PHACTR1: variants seen among roughly 807,000 people sequenced by gnomAD.
The protein encoded by PHACTR1 is RPEL repeat containing 1.
In PHACTR1, 16 loss-of-function variants were observed where a neutral mutation model predicts 69.2. That is an observed-to-expected ratio of 0.23 (90% CI 0.16 to 0.35). The LOEUF (loss-of-function observed/expected upper bound fraction) is 0.35, where lower values mean the gene tolerates loss of function less well. Ranked by LOEUF, PHACTR1 falls within the 10% of genes least tolerant of loss-of-function variation. PHACTR1 has a pLI of 1.00. For missense variants in PHACTR1, 510 were observed against 734.7 expected, an observed-to-expected ratio of 0.69 and a Z score of 3.54; for synonymous variants, 312 against 284.5, an observed-to-expected ratio of 1.10 and a Z score of -0.97.
intron 8 of PHACTR1, 146 bp downstream of exon 8, chr6:13,206,282 C>A: frequency 1.1e-6 from 1 of 911,938 alleles, no homozygotes; most frequent in African/African-American, 1.7e-5. Context: ...AGACAAAAAA[C>A]TGAAGGTCAA....
At chr6:13,135,594 T>A (rs1821423735) in intron 5 of PHACTR1, among the ~76,000 whole-genome samples, 1 of 152,230 alleles carries the variant, frequency 6.6e-6, no homozygotes, top group Non-Finnish European at 1.5e-5. Context: ...TTAATCACTT[T>A]GTTAATTTTA....
chr6:13,272,652 G>A, intron 10 of PHACTR1: 1 of 1,449,944 alleles, frequency 6.9e-7, no homozygotes, highest in Non-Finnish European at 9.1e-7. Context: ...GCGGGGGTCA[G>A]CGGCTGTGAC....
chr6:13,167,758 G>GA (rs766099942), intron 6 of PHACTR1, among the ~76,000 whole-genome samples: 1 of 152,186 alleles, frequency 6.6e-6, no homozygotes, highest in East Asian at 1.9e-4. Flanking sequence ...TAATCAGGTT[G>GA]GAGCAACCTT....
intron 4 of PHACTR1, among the ~76,000 whole-genome samples, chr6:12,843,396 G>A (rs1778889802): frequency 6.6e-6 from 1 of 152,148 alleles, no homozygotes; most frequent in Non-Finnish European, 1.5e-5. Flanking sequence ...TGGTGTAGAA[G>A]CTTGAAGGCT....
At chr6:13,035,821 C>T (rs1181221804) in intron 4 of PHACTR1, among the ~76,000 whole-genome samples, 1 of 152,136 alleles carries the variant, frequency 6.6e-6, no homozygotes, top group Non-Finnish European at 1.5e-5. Context: ...GAGGAAAGGT[C>T]ACATTCAAGG....
At position 12,945,894 on chromosome 6, in the gene PHACTR1, G is replaced by A. The variant is rs186262866; in HGVS notation, c.251-107471G>A. Reference sequence around the variant, plus strand: ...CAGGAGAACTGCTTGAACCCAGGAGGTGGAGGTTGCAGTGGCCAAGATCGT... The same window carrying A: ...CAGGAGAACTGCTTGAACCCAGGAGATGGAGGTTGCAGTGGCCAAGATCGT... On this transcript the variant is annotated intron_variant, in intron 4 of 14. Coordinates refer to ENST00000332995, the MANE Select transcript of PHACTR1 (RefSeq NM_030948.6). 2.1e-3 allele frequency among the ~76,000 whole-genome samples: 318 copies of A among 152,030 alleles called. 1 individual carries two copies. Among genetic ancestry groups the A allele is most frequent in the African/African-American group, 7.3e-3 (302 of 41,434 alleles).
rs1203275107 is a variant in PHACTR1, at chr6:12,929,714, CTG to C, written c.251-123647_251-123646del. On this transcript the variant is annotated intron_variant, in intron 4 of 14. Transcript: ENST00000332995. The stretch of plus-strand genomic sequence containing the variant: ...ACAGCCAAAGCCTGGAACTTCTTCA[CTG>C]TGTTACCTTGGTTTAGAAAAATGCA... Among the ~76,000 whole-genome samples the C allele has an allele frequency of 8.5e-5, 13 of 152,312 alleles. 1 individual carries two copies. The highest frequency in any genetic ancestry group is 2.6e-4 in the Admixed American group (4 of 15,292).
In PHACTR1 at chr6:13,145,419, G is replaced by A. The variant is rs760320627; in HGVS notation, c.416-14785G>A. ...TTTTATGTTTAAGGCAATGTGCTTG[G>A]TCTTCATATGTGAAATCTCATTCAA... On this transcript the variant is annotated intron_variant, in intron 5 of 14. Coordinates refer to ENST00000332995, the MANE Select transcript of PHACTR1 (RefSeq NM_030948.6). 1.4e-4 allele frequency among the ~76,000 whole-genome samples: 22 copies of A among 152,102 alleles called. 1 individual carries two copies. The highest frequency in any genetic ancestry group is 7.4e-5 in the Non-Finnish European group (5 of 68,024).
chr6:12,761,797 A>G (rs984412073), intron 4 of PHACTR1, among the ~76,000 whole-genome samples: 3 of 152,238 alleles, frequency 2.0e-5, no homozygotes, highest in African/African-American at 7.2e-5. Flanking sequence ...ACAAAAACAC[A>G]ACCCAAGGTT....
intron 5 of PHACTR1, among the ~76,000 whole-genome samples, chr6:13,089,083 G>A (rs1382743173): frequency 1.3e-5 from 2 of 152,164 alleles, no homozygotes; most frequent in Non-Finnish European, 2.9e-5. Flanking sequence ...ATCAGACAGG[G>A]ACCTTCTACA....
At chr6:12,748,761 G>A (rs1293888362) in intron 3 of PHACTR1, among the ~76,000 whole-genome samples, 1 of 152,078 alleles carries the variant, frequency 6.6e-6, no homozygotes, top group Non-Finnish European at 1.5e-5. Flanking sequence ...AGAGGAATTC[G>A]GTTAAAATGA....
At chr6:13,034,795 G>A (rs1187688258) in intron 4 of PHACTR1, among the ~76,000 whole-genome samples, 1 of 152,166 alleles carries the variant, frequency 6.6e-6, no homozygotes, top group Non-Finnish European at 1.5e-5. Flanking sequence ...GTATCAAAGT[G>A]AACAATTGTA....
chr6:13,026,093 A>G (rs996074875), intron 4 of PHACTR1, among the ~76,000 whole-genome samples: 4 of 152,234 alleles, frequency 2.6e-5, no homozygotes, highest in African/African-American at 9.6e-5. Context: ...AATTAGCCAT[A>G]ATAAAATGGT....
chr6:12,905,373 T>G (rs1282658377), intron 4 of PHACTR1, among the ~76,000 whole-genome samples: 1 of 152,224 alleles, frequency 6.6e-6, no homozygotes, highest in African/African-American at 2.4e-5. Flanking sequence ...AATAAGACCT[T>G]CAGCGCTGGT....
intron 6 of PHACTR1, among the ~76,000 whole-genome samples, chr6:13,166,887 G>T (rs905172769): frequency 2.6e-5 from 4 of 152,010 alleles, no homozygotes; most frequent in African/African-American, 9.7e-5. Context: ...ATCTGTGTTG[G>T]GTTGAAAATA....
intron 4 of PHACTR1, among the ~76,000 whole-genome samples, chr6:13,001,378 A>T (rs979459250): frequency 3.3e-5 from 5 of 152,232 alleles, no homozygotes; most frequent in Non-Finnish European, 7.3e-5. Context: ...GGAAGTGACC[A>T]AAAGATAGTG....
chr6:12,818,382 C>A (rs1166974851), intron 4 of PHACTR1, among the ~76,000 whole-genome samples: 1 of 152,070 alleles, frequency 6.6e-6, no homozygotes, highest in Non-Finnish European at 1.5e-5. Flanking sequence ...ATTTCATCTT[C>A]CAGGAGGCCA....
intron 5 of PHACTR1, among the ~76,000 whole-genome samples, chr6:13,059,891 T>G (rs1404105218): frequency 6.6e-6 from 1 of 152,130 alleles, no homozygotes; most frequent in African/African-American, 2.4e-5. Context: ...TCAGGTCGTT[T>G]GCATATATAT....
intron 4 of PHACTR1, among the ~76,000 whole-genome samples, chr6:12,752,949 T>C (rs1766806940): frequency 6.6e-6 from 1 of 152,258 alleles, no homozygotes; most frequent in Admixed American, 6.5e-5. Flanking sequence ...TCTAGGTTTT[T>C]AACTTCTGTT....
Sources: allele counts gnomAD v4.1 joint callset (sites outside exome capture counted in the v4.1 genomes callset), GRCh38; gene constraint gnomAD v4.1.1; transcripts MANE v1.5; gene names NCBI Gene and HGNC (gene_info 2026-07-23, HGNC 2026-07-21).